Variants in NEBL observed in about 807,000 individuals in gnomAD.
NEBL encodes the protein LIM and SH3 protein 2.
NEBL carries 122 observed loss-of-function variants against 140.2 expected under a neutral mutation model. The observed-to-expected ratio is 0.87, with a 90% CI of 0.75 to 1.01. NEBL has a LOEUF of 1.01. Among genes scored for constraint, NEBL ranks in the 50% least tolerant of loss-of-function variants. NEBL has a pLI of 0.00. For missense variants in NEBL, 1,365 were observed against 1,231.3 expected, an observed-to-expected ratio of 1.11 and a Z score of -1.62; for synonymous variants, 436 against 398.9, an observed-to-expected ratio of 1.09 and a Z score of -1.11.
chr10:21,292,217 T>C (rs1020585823), intron 1 of NEBL, among the ~76,000 whole-genome samples: 5 of 152,226 alleles, frequency 3.3e-5, no homozygotes, highest in Admixed American at 3.3e-4. Flanking sequence ...TGTATAAAAG[T>C]TTATTTTGTA....
chr10:21,020,739 C>A (rs772998954), intron 2 of NEBL, among the ~76,000 whole-genome samples: 1 of 152,122 alleles, frequency 6.6e-6, no homozygotes, highest in Non-Finnish European at 1.5e-5. Context: ...GTCGTCTCCC[C>A]GGGTTTACAC....
At chr10:21,052,886 C>T (rs1164287437) in intron 2 of NEBL, among the ~76,000 whole-genome samples, 2 of 152,118 alleles carry the variant, frequency 1.3e-5, no homozygotes, top group African/African-American at 4.8e-5. Context: ...GACCTGGGGT[C>T]CACATAAATA....
At chr10:20,886,457 A>G (rs2084441714) in intron 4 of NEBL, among the ~76,000 whole-genome samples, 1 of 152,110 alleles carries the variant, frequency 6.6e-6, no homozygotes, top group Admixed American at 6.6e-5. Context: ...TGAACCCGGG[A>G]GGCAGAGGTT....
intron 3 of NEBL, among the ~76,000 whole-genome samples, chr10:21,185,487 CTTTTTTTT>C (rs10612676): frequency 2.1e-4 from 15 of 72,048 alleles, no homozygotes; most frequent in Non-Finnish European, 3.3e-4. Context: ...ATTTTCTTTC[CTTTTTTTT>C]TTTTTTTTTT....
intron 3 of NEBL, among the ~76,000 whole-genome samples, chr10:21,195,161 G>A (rs1270356591): frequency 1.3e-5 from 2 of 152,070 alleles, no homozygotes; most frequent in African/African-American, 2.4e-5. Flanking sequence ...CTATCTAGAT[G>A]ACTGTCAAAT....
intron 2 of NEBL, among the ~76,000 whole-genome samples, chr10:21,128,071 A>T (rs1196378188): frequency 6.6e-6 from 1 of 152,174 alleles, no homozygotes; most frequent in East Asian, 1.9e-4. Flanking sequence ...GAAGTTAATG[A>T]CTCGGTTGGG....
chr10:20,966,481 C>A (rs1410008232), intron 3 of NEBL, among the ~76,000 whole-genome samples: 1 of 152,216 alleles, frequency 6.6e-6, no homozygotes, highest in African/African-American at 2.4e-5. Flanking sequence ...GACCCTTCAG[C>A]AAATATTAGT....
At chr10:21,050,909 CCT>C (rs1834750495) in intron 2 of NEBL, among the ~76,000 whole-genome samples, 1 of 152,132 alleles carries the variant, frequency 6.6e-6, no homozygotes, top group African/African-American at 2.4e-5. Context: ...CTTCAGATTC[CCT>C]GAGTCTTACA....
At chr10:21,248,156 G>A (rs933019231) in intron 2 of NEBL, 18 of 182,740 alleles carry the variant, frequency 9.9e-5, no homozygotes, top group Non-Finnish European at 1.7e-4. Flanking sequence ...CTGCCCCCTC[G>A]ACCTCCCGGG....
intron 3 of NEBL, among the ~76,000 whole-genome samples, chr10:20,978,427 A>T (rs1836890729): frequency 7.0e-6 from 1 of 141,948 alleles, no homozygotes; most frequent in African/African-American, 3.0e-5. Flanking sequence ...AAGAAAAGCT[A>T]ACCAAAAAAA....
chr10:20,935,497 A>G (rs779109289), intron 4 of NEBL, among the ~76,000 whole-genome samples: 1 of 152,160 alleles, frequency 6.6e-6, no homozygotes, highest in Non-Finnish European at 1.5e-5. Flanking sequence ...GTGAGCCTTA[A>G]AATATTTGCA....
chr10:21,289,950 T>G (rs76821564), intron 1 of NEBL, among the ~76,000 whole-genome samples: 7,978 of 152,272 alleles, frequency 0.052, 274 homozygotes, highest in Middle Eastern at 0.095. Flanking sequence ...AAGCTAAGAC[T>G]CTTTACTCTC....
intron 3 of NEBL, among the ~76,000 whole-genome samples, chr10:21,204,098 C>G (rs1019949790): frequency 6.6e-6 from 1 of 152,118 alleles, no homozygotes; most frequent in African/African-American, 2.4e-5. Context: ...AGTCAGGGAA[C>G]AGAAAAATGT....
intron 4 of NEBL, among the ~76,000 whole-genome samples, chr10:20,950,876 A>G (rs1049549768): frequency 6.6e-6 from 1 of 152,214 alleles, no homozygotes; most frequent in East Asian, 1.9e-4. Flanking sequence ...CTTTTTTTCT[A>G]AATCCATACT....
At chr10:21,274,392 T>G (rs1242981105) in intron 1 of NEBL, among the ~76,000 whole-genome samples, 2 of 152,224 alleles carry the variant, frequency 1.3e-5, no homozygotes, top group Admixed American at 6.5e-5. Context: ...CTATGTTCTA[T>G]GCATTATACA....
intron 2 of NEBL, among the ~76,000 whole-genome samples, chr10:21,162,805 T>C (rs1433947412): frequency 6.6e-6 from 1 of 152,342 alleles, no homozygotes; most frequent in Non-Finnish European, 1.5e-5. Context: ...AGATTCAGAA[T>C]ATCTTCACAA....
chr10:21,270,746 ACT>A (rs1842851645), intron 1 of NEBL, among the ~76,000 whole-genome samples: 1 of 151,964 alleles, frequency 6.6e-6, no homozygotes, highest in African/African-American at 2.4e-5. Context: ...AAGTCGTTCA[ACT>A]CTTTTTTATA....
chr10:20,949,576 C>A (rs918602050), intron 4 of NEBL, among the ~76,000 whole-genome samples: 1 of 152,078 alleles, frequency 6.6e-6, no homozygotes, highest in African/African-American at 2.4e-5. Flanking sequence ...CATTGAAAAT[C>A]GAAATAGTAA....
At chr10:20,802,128 T>A (rs1430413155) in intron 26 of NEBL, among the ~76,000 whole-genome samples, 1 of 152,090 alleles carries the variant, frequency 6.6e-6, no homozygotes, top group Admixed American at 6.6e-5. Context: ...AAACACCAGG[T>A]GAGATTGCAA....
Sources: allele counts gnomAD v4.1 joint callset (sites outside exome capture counted in the v4.1 genomes callset), GRCh38; gene constraint gnomAD v4.1.1; transcripts MANE v1.5; gene names NCBI Gene and HGNC (gene_info 2026-07-23, HGNC 2026-07-21).